TMBIM4: variants seen among roughly 807,000 people sequenced by gnomAD.
TMBIM4 encodes transmembrane BAX inhibitor motif containing 4.
Under a neutral mutation model 27.7 loss-of-function variants are expected in TMBIM4, and 28 were observed. The observed-to-expected ratio is 1.01, with a 90% CI of 0.75 to 1.38. The LOEUF is 1.38. Among genes scored for constraint, TMBIM4 ranks in the 40% most tolerant of loss-of-function variants. The pLI, the probability that TMBIM4 is intolerant of heterozygous loss-of-function variation, is 0.00. For synonymous variants in TMBIM4, 115 were observed against 113.1 expected, an observed-to-expected ratio of 1.02 and a Z score of -0.11; for missense variants, 265 against 277.5, an observed-to-expected ratio of 0.95 and a Z score of 0.32.
At chr12:66,164,709 C>G (rs944445607) in intron 1 of TMBIM4, among the ~76,000 whole-genome samples, 1 of 152,210 alleles carries the variant, frequency 6.6e-6, no homozygotes, top group African/African-American at 2.4e-5. Flanking sequence ...TTTGCCATTT[C>G]TATTCAACAT....
At chr12:66,144,381 G>C (rs1279597313) in intron 5 of TMBIM4, among the ~76,000 whole-genome samples, 1 of 152,094 alleles carries the variant, frequency 6.6e-6, no homozygotes, top group Non-Finnish European at 1.5e-5. Flanking sequence ...TCAAAATCTA[G>C]GTAAAAGTGG....
At chr12:66,166,252 C>T (rs1270088573) in intron 1 of TMBIM4, among the ~76,000 whole-genome samples, 1 of 151,934 alleles carries the variant, frequency 6.6e-6, no homozygotes, top group Non-Finnish European at 1.5e-5. Context: ...ATCACTTGAG[C>T]CCACGAGTTT....
In TMBIM4 at chr12:66,148,039, T is replaced by C. The variant is rs2136858235; in HGVS notation, c.313-98A>G. 4.4e-6 allele frequency: 5 copies of C among 1,140,454 alleles called. No individual in the cohort carries two copies. The South Asian group carries it at 7.6e-5, about 17-fold the overall frequency. 70.6% of individuals were successfully genotyped at this position (1,140,454 alleles called of 1,614,324 possible). ...GCTTAATGTGATCCCATATGAATGA[T>C]CTCATTTTAGCTTCAAAGCAGCCCT... is the stretch of plus-strand genomic sequence containing the variant. On this transcript the variant is annotated intron_variant, in intron 3 of 6. Coordinates refer to ENST00000358230, the MANE Select transcript of TMBIM4 (RefSeq NM_016056.4).
chr12:66,162,273 A>G (rs983719913), intron 1 of TMBIM4, among the ~76,000 whole-genome samples: 1 of 152,226 alleles, frequency 6.6e-6, no homozygotes, highest in African/African-American at 2.4e-5. Flanking sequence ...AATATTACCT[A>G]CAATGAGATA....
chr12:66,139,896 T>C (rs2051639729), intron 5 of TMBIM4, among the ~76,000 whole-genome samples: 1 of 152,082 alleles, frequency 6.6e-6, no homozygotes, highest in Non-Finnish European at 1.5e-5. Flanking sequence ...CACTGAGTAG[T>C]ATGCTGAAGG....
intron 4 of TMBIM4, among the ~76,000 whole-genome samples, chr12:66,146,183 C>T (rs1427241511): frequency 6.6e-6 from 1 of 152,160 alleles, no homozygotes; most frequent in African/African-American, 2.4e-5. Context: ...TCAGAGGTCA[C>T]ATTATTACCA....
chr12:66,138,812 C>T (rs1218341041), intron 5 of TMBIM4, 43 bp from the exon 6 acceptor site: 2 of 1,444,510 alleles, frequency 1.4e-6, no homozygotes, highest in East Asian at 2.7e-5. Context: ...TTGTTCCTTA[C>T]AAAAAAACTT....
rs1253293841 is a variant in TMBIM4, at chr12:66,169,990, C to T, written c.-39G>A. 2.9e-6 allele frequency: 4 copies of T among 1,395,926 alleles called. No homozygotes were observed. Among genetic ancestry groups the T allele is most frequent in the Non-Finnish European group, 1.9e-6 (2 of 1,046,654 alleles). The allele number at this position is 1,395,926 out of a possible 1,614,324, so 86.5% of individuals were successfully genotyped here. On this transcript the variant is annotated 5_prime_UTR_variant, in exon 1 of 7. Transcript: ENST00000358230. ...CCCCTACCGGTCCCGGTCCACTAAC[C>T]GCAACCGCCTCCTCCCCACTTCCGC...
intron 5 of TMBIM4, chr12:66,144,857 TATCA>T (rs2051726023): frequency 6.6e-6 from 1 of 152,172 alleles, no homozygotes; most frequent in Non-Finnish European, 1.5e-5. Context: ...ATACCATTTC[TATCA>T]ATCAATGTAA....
chr12:66,146,458 T>C (rs1018130185), intron 4 of TMBIM4, among the ~76,000 whole-genome samples: 6 of 152,094 alleles, frequency 3.9e-5, no homozygotes, highest in Non-Finnish European at 8.8e-5. Flanking sequence ...GAAAGAAAAA[T>C]ATTGGGGCTG....
intron 1 of TMBIM4, chr12:66,160,027 C>T (rs1421245091): frequency 1.8e-6 from 1 of 562,124 alleles, no homozygotes; most frequent in Non-Finnish European, 3.2e-6. Context: ...CAGCCCACTA[C>T]CTGGTTTTGT....
intron 5 of TMBIM4, among the ~76,000 whole-genome samples, chr12:66,142,043 AACATTTACCAAGAT>A (rs1174424140): frequency 2.0e-5 from 3 of 152,182 alleles, no homozygotes; most frequent in East Asian, 3.8e-4. Context: ...GTGCACAAAG[AACATTTACCAAGAT>A]ACCATTAAAA....
chr12:66,146,403 CTAGT>C (rs745662613), intron 4 of TMBIM4, among the ~76,000 whole-genome samples: 36 of 152,218 alleles, frequency 2.4e-4, no homozygotes, highest in Non-Finnish European at 4.0e-4. Flanking sequence ...CAGCAATCAT[CTAGT>C]TAGTTATACT....
At chr12:66,144,251 A>C (rs2051716040) in intron 5 of TMBIM4, among the ~76,000 whole-genome samples, 1 of 152,172 alleles carries the variant, frequency 6.6e-6, no homozygotes. Context: ...GAACTATTCC[A>C]GACTAATTAC....
At chr12:66,149,080 A>G (rs535661789) in intron 3 of TMBIM4, among the ~76,000 whole-genome samples, 215 of 152,294 alleles carry the variant, frequency 1.4e-3, no homozygotes, top group African/African-American at 4.7e-3. Context: ...TGTGGAGGCA[A>G]TGGAACTGCT....
At chr12:66,148,568 CT>C in intron 3 of TMBIM4, among the ~76,000 whole-genome samples, 1 of 152,252 alleles carries the variant, frequency 6.6e-6, no homozygotes, top group Admixed American at 6.5e-5. Flanking sequence ...CCTTCCTCTT[CT>C]CATTTGTTTG....
intron 4 of TMBIM4, among the ~76,000 whole-genome samples, chr12:66,147,136 CTATT>C (rs1440257131): frequency 6.6e-6 from 1 of 151,856 alleles, no homozygotes; most frequent in Middle Eastern, 3.2e-3. Context: ...TTATTTATTA[CTATT>C]TATTTATATT....
In TMBIM4 at chr12:66,169,494, C is replaced by G. The variant is rs922008257; in HGVS notation, c.97+361G>C. 8.2e-6 allele frequency: 4 copies of G among 489,922 alleles called. No individual in the cohort carries two copies. In the Admixed American group the frequency reaches 1.7e-4, roughly 20 times the overall value. 30.3% of individuals were successfully genotyped at this position (489,922 alleles called of 1,614,324 possible). A position where few individuals can be genotyped will look rare whatever the true frequency, so the allele number is the denominator to read the frequency against. On this transcript the variant is annotated intron_variant, in intron 1 of 6. Transcript: ENST00000358230. ...TGTGTACGTCAGTCACAGTGATCAACCGACTCATTTCCACGACGTTTCTTT... is the reference window on the plus strand; with the variant it reads ...TGTGTACGTCAGTCACAGTGATCAAGCGACTCATTTCCACGACGTTTCTTT...
Position 66,140,694 on chromosome 12 carries a change from G to C in TMBIM4, c.465-1925C>G, listed in dbSNP as rs1041937832. On this transcript the variant is annotated intron_variant, in intron 5 of 6. Transcript: ENST00000358230. ...AGGGATCACTTGAACCCAGGAGTTC[G>C]AGTCCAGCCTAGGCAACACAGCAAG... Among the ~76,000 whole-genome samples, 4 of 152,096 alleles carry C rather than the reference G, an allele frequency of 2.6e-5. No individual in the cohort carries two copies. The East Asian group carries it at 5.8e-4, about 22-fold the overall frequency.
Sources: allele counts gnomAD v4.1 joint callset (sites outside exome capture counted in the v4.1 genomes callset), GRCh38; gene constraint gnomAD v4.1.1; transcripts MANE v1.5; gene names NCBI Gene and HGNC (gene_info 2026-07-23, HGNC 2026-07-21).